Variants in PSG6 observed in about 807,000 individuals in gnomAD.
PSG6 encodes pregnancy specific beta-1-glycoprotein 6.
Under a neutral mutation model 43.3 loss-of-function variants are expected in PSG6, and 51 were observed. The observed-to-expected ratio is 1.18, with a 90% CI of 0.94 to 1.49. PSG6 has a LOEUF of 1.49. Among genes scored for constraint, PSG6 ranks in the 40% most tolerant of loss-of-function variants. The pLI, the probability that PSG6 is intolerant of heterozygous loss-of-function variation, is 0.00. For synonymous variants in PSG6, 292 were observed against 197.6 expected (o/e 1.48, Z -4.01); for missense variants, 770 against 522.2 (o/e 1.47, Z -4.62).
At chr19:42,913,991 T>C (rs12979719) in intron 2 of PSG6, among the ~76,000 whole-genome samples, 10 of 151,750 alleles carry the variant, frequency 6.6e-5, no homozygotes, top group African/African-American at 1.9e-4. Context: ...CTTGGAGTTC[T>C]TAAAATCTTT....
chr19:42,907,256 A>G, intron 4 of PSG6, 80 bp from the exon 5 acceptor site: 2 of 1,543,924 alleles, frequency 1.3e-6, no homozygotes, highest in South Asian at 1.3e-5. Flanking sequence ...GGACACAGTG[A>G]CCCTCTGAAC....
chr19:42,905,333 G>T (rs868503194), intron 5 of PSG6, among the ~76,000 whole-genome samples: 12 of 151,614 alleles, frequency 7.9e-5, no homozygotes, highest in African/African-American at 1.2e-4. Flanking sequence ...AATACTTAGA[G>T]ATATGCAAAT....
intron 4 of PSG6, among the ~76,000 whole-genome samples, 193 bp downstream of exon 4, chr19:42,907,383 G>T (rs1342443392): frequency 4.6e-5 from 7 of 151,860 alleles, no homozygotes; most frequent in African/African-American, 1.7e-4. Context: ...CATGACAAGA[G>T]CGCCCCTCCC....
chr19:42,909,221 C>G (rs1363411194), intron 3 of PSG6, among the ~76,000 whole-genome samples: 1 of 151,382 alleles, frequency 6.6e-6, no homozygotes, highest in East Asian at 1.9e-4. Flanking sequence ...TTTTCTCTCA[C>G]CATGTTTCTA....
intron 3 of PSG6, chr19:42,909,800 A>T (rs1174563342): frequency 6.6e-6 from 1 of 151,858 alleles, no homozygotes; most frequent in African/African-American, 2.4e-5. Flanking sequence ...GCAGAAACAT[A>T]TTCCCTTTCC....
chr19:42,907,569 T>C lies in PSG6; in HGVS notation c.985+7A>G, dbSNP rs200005028. 3.5e-3 allele frequency: 5,609 copies of C among 1,611,810 alleles called. 160 individuals are homozygous for C. Among genetic ancestry groups the C allele is most frequent in the Middle Eastern group, 4.1e-3 (23 of 5,664 alleles). On this transcript the variant is annotated splice_region_variant and intron_variant, in intron 4 of 5. Transcript: ENST00000187910. ...TCCTGGCCCACAGAGGAACAAAGGA[T>C]ACTCACAGAGGACATTCAGGGTGAC... is the stretch of plus-strand genomic sequence containing the variant.
Position 42,902,118 on chromosome 19 carries a change from C to T in PSG6, c.*294G>A, listed in dbSNP as rs1972044003. On this transcript the variant is annotated 3_prime_UTR_variant, in exon 6 of 6. Coordinates refer to ENST00000187910, the MANE Select transcript of PSG6 (RefSeq NM_001031850.4). ...GTGCAAATAACTTTATTACCATAAACCTATGAATACTCATGAATAGTTTCC... is the reference window on the plus strand; with the variant it reads ...GTGCAAATAACTTTATTACCATAAATCTATGAATACTCATGAATAGTTTCC... 5 of 334,108 alleles carry T rather than the reference C, an allele frequency of 1.5e-5. 1 individual carries two copies. In the Admixed American group the frequency reaches 2.1e-4, roughly 14 times the overall value. The allele number at this position is 334,108 out of a possible 1,614,324, so 20.7% of individuals were successfully genotyped here. A position where few individuals can be genotyped will look rare whatever the true frequency, so the allele number is the denominator to read the frequency against.
intron 3 of PSG6, among the ~76,000 whole-genome samples, chr19:42,908,495 AG>A (rs1162009978): frequency 6.6e-6 from 1 of 151,700 alleles, no homozygotes; most frequent in Non-Finnish European, 1.5e-5. Context: ...TGACCTCTAA[AG>A]ATAGAGCAGA....
chr19:42,910,079 C>T (rs1972189431), intron 3 of PSG6: 1 of 198,812 alleles, frequency 5.0e-6, no homozygotes, highest in East Asian at 1.2e-4. Context: ...AATGCTCTGC[C>T]AGTGGGTGAG....
At position 42,906,992 on chromosome 19, in the gene PSG6, G is replaced by C. The variant is rs1443793650; in HGVS notation, c.1170C>G (p.Leu390=). The change falls in exon 5 of 6, where the codon CTC becomes CTG. Residue 390 remains leucine, a synonymous_variant. Coordinates refer to ENST00000187910, the MANE Select transcript of PSG6 (RefSeq NM_001031850.4). The part of the protein sequence containing the change: ...IPQITTNHSG[L]YACSVRNSAT... ...CTGAGTTACGAACAGAGCAAGCATA[G>C]AGCCCGCTATGATTTGTAGTAATTT... 2 of 1,612,472 alleles carry C rather than the reference G, an allele frequency of 1.2e-6. No individual in the cohort carries two copies. The highest frequency in any genetic ancestry group is 1.7e-5 in the Admixed American group (1 of 59,904).
rs148701177 is a variant in PSG6 at position 42,912,269 on chromosome 19, G to C, written c.428-1411C>G. Among the ~76,000 whole-genome samples the C allele has an allele frequency of 4.9e-3, 750 of 151,572 alleles. 12 individuals carry two copies. Among genetic ancestry groups the C allele is most frequent in the African/African-American group, 0.017 (710 of 41,288 alleles). On this transcript the variant is annotated intron_variant, in intron 2 of 5. Coordinates refer to ENST00000187910, the MANE Select transcript of PSG6 (RefSeq NM_001031850.4). ...ATTTTCCCATAAAAAGTTGTCAGGA[G>C]TTTAGACCTCATGTTATATTCTGAC...
At position 42,916,635 on chromosome 19, in the gene PSG6, T is replaced by A. The variant is rs567290221; in HGVS notation, c.65-148A>T. On this transcript the variant is annotated intron_variant, in intron 1 of 5. Transcript: ENST00000187910. The stretch of plus-strand genomic sequence containing the variant: ...ACAAACACACACACACAAAAGGGCA[T>A]GTGTGTTTGTGTGTGTGTATGTGTG... 26 of 1,240,328 alleles carry A rather than the reference T, an allele frequency of 2.1e-5. 1 individual carries two copies. The East Asian group carries it at 5.7e-4, about 27-fold the overall frequency. 76.8% of individuals were successfully genotyped at this position (1,240,328 alleles called of 1,614,324 possible).
chr19:42,907,463 G>A (rs1348210118), intron 4 of PSG6, 113 bp downstream of exon 4: 6 of 1,551,302 alleles, frequency 3.9e-6, no homozygotes, highest in Non-Finnish European at 5.2e-6. Flanking sequence ...CAGGTCTGAT[G>A]TCCAGAAGTA....
At chr19:42,912,184 G>C (rs1464759129) in intron 2 of PSG6, among the ~76,000 whole-genome samples, 1 of 151,592 alleles carries the variant, frequency 6.6e-6, no homozygotes, top group Non-Finnish European at 1.5e-5. Context: ...GAAGTGTTGA[G>C]TTTTGAGCAT....
intron 5 of PSG6, among the ~76,000 whole-genome samples, chr19:42,906,359 C>T (rs1281175316): frequency 6.6e-6 from 1 of 151,520 alleles, no homozygotes; most frequent in Non-Finnish European, 1.5e-5. Context: ...GGACAGGCCA[C>T]CAGGGCCCTT....
chr19:42,917,336 TC>T (rs1466321254), intron 1 of PSG6, among the ~76,000 whole-genome samples: 2 of 149,598 alleles, frequency 1.3e-5, no homozygotes, highest in Admixed American at 6.7e-5. Context: ...GAGCCTTCTT[TC>T]CCTTTTTTTC....
At chr19:42,904,265 C>G (rs1262820197) in intron 5 of PSG6, among the ~76,000 whole-genome samples, 2 of 151,596 alleles carry the variant, frequency 1.3e-5, no homozygotes, top group Non-Finnish European at 2.9e-5. Flanking sequence ...GCTATTGACA[C>G]TTTTATTCAA....
At chr19:42,910,204 T>C in intron 3 of PSG6, 1 of 391,472 alleles carries the variant, frequency 2.6e-6, no homozygotes, top group East Asian at 5.6e-5. Flanking sequence ...TCACAGGCGA[T>C]ATTGTCAGAG....
intron 2 of PSG6, among the ~76,000 whole-genome samples, chr19:42,911,783 A>T (rs1188846824): frequency 6.6e-6 from 1 of 151,740 alleles, no homozygotes; most frequent in Non-Finnish European, 1.5e-5. Flanking sequence ...AGTCTTGCAG[A>T]TACTTTCTCT....
Sources: gnomAD v4.1 joint callset for allele counts (sites outside exome capture counted in the v4.1 genomes callset) on GRCh38, gnomAD v4.1.1 for gene constraint, MANE v1.5 for transcripts, NCBI Gene and HGNC (gene_info 2026-07-23, HGNC 2026-07-21) for gene names.